Variants in PTK2 observed in about 807,000 individuals in gnomAD.
The protein encoded by PTK2 is protein tyrosine kinase 2.
Under a neutral mutation model 150.1 loss-of-function variants are expected in PTK2, and 45 were observed. That is an observed-to-expected ratio of 0.30 (90% confidence interval 0.24 to 0.38). PTK2 has a LOEUF of 0.38. PTK2 is among the 10% of genes least tolerant of loss of function. The pLI is 1.00. For missense variants in PTK2, 919 were observed against 1,307.3 expected (o/e 0.70, Z 4.58); for synonymous variants, 432 against 449.2 (o/e 0.96, Z 0.48).
intron 7 of PTK2, among the ~76,000 whole-genome samples, chr8:140,832,613 C>G (rs2100116133): frequency 6.6e-6 from 1 of 152,108 alleles, no homozygotes; most frequent in African/African-American, 2.4e-5. Context: ...CAGAGGGAGG[C>G]ATGGCCTGAC....
intron 1 of PTK2, among the ~76,000 whole-genome samples, chr8:141,000,127 C>CACACACACACA (rs58481152): frequency 0.03 from 3,723 of 123,686 alleles, 169 homozygotes; most frequent in African/African-American, 0.055. Context: ...ACACACACAC[C>CACACACACACA]CCTTCTTCTA....
chr8:140,678,773 C>T (rs1407970548), intron 27 of PTK2, among the ~76,000 whole-genome samples: 14 of 151,910 alleles, frequency 9.2e-5, no homozygotes, highest in East Asian at 3.9e-4. Flanking sequence ...TAGGGCAAAC[C>T]GAATGTGTGA....
At chr8:140,883,453 CATT>C (rs1233265173) in intron 3 of PTK2, among the ~76,000 whole-genome samples, 5 of 152,314 alleles carry the variant, frequency 3.3e-5, no homozygotes, top group African/African-American at 1.2e-4. Flanking sequence ...AAGCAACACA[CATT>C]GTTGACACTG....
chr8:140,780,324 A>C (rs1275102792), intron 14 of PTK2, among the ~76,000 whole-genome samples: 1 of 152,096 alleles, frequency 6.6e-6, no homozygotes, highest in Admixed American at 6.6e-5. Flanking sequence ...GAGTGATGGG[A>C]CCTAAACCCA....
chr8:140,844,858 G>A (rs1232307707), intron 7 of PTK2, among the ~76,000 whole-genome samples: 1 of 152,018 alleles, frequency 6.6e-6, no homozygotes, highest in Non-Finnish European at 1.5e-5. Context: ...AAACATGAAT[G>A]TTCCCATAGA....
intron 24 of PTK2, among the ~76,000 whole-genome samples, chr8:140,704,486 A>G (rs760402546): frequency 2.0e-5 from 3 of 152,250 alleles, no homozygotes; most frequent in Non-Finnish European, 4.4e-5. Context: ...AAATCTTGAC[A>G]GTGCCGCAGA....
intron 3 of PTK2, among the ~76,000 whole-genome samples, chr8:140,889,225 ATCTTTTTTT>A (rs1430289227): frequency 1.1e-4 from 16 of 151,786 alleles, no homozygotes; most frequent in Middle Eastern, 3.2e-3. Flanking sequence ...TTAGCCTTAA[ATCTTTTTTT>A]TCTTTTTTTT....
intron 1 of PTK2, among the ~76,000 whole-genome samples, chr8:140,965,551 T>C (rs2100184956): frequency 6.6e-6 from 1 of 152,170 alleles, no homozygotes. Context: ...AATTTTGCCT[T>C]TTCTGTCAGT....
intron 1 of PTK2, among the ~76,000 whole-genome samples, chr8:140,956,949 TAC>T (rs1190538452): frequency 6.6e-6 from 1 of 152,008 alleles, no homozygotes; most frequent in African/African-American, 2.4e-5. Context: ...TAGTCCCAGC[TAC>T]TTGAGAGGCT....
At chr8:140,778,281 G>T (rs190465416) in intron 14 of PTK2, among the ~76,000 whole-genome samples, 76 of 152,246 alleles carry the variant, frequency 5.0e-4, no homozygotes, top group Non-Finnish European at 8.8e-4. Context: ...CAGCTAACAT[G>T]GAGAAATACT....
chr8:140,899,723 T>A (rs1435542783), intron 2 of PTK2, among the ~76,000 whole-genome samples: 1 of 152,060 alleles, frequency 6.6e-6, no homozygotes, highest in East Asian at 1.9e-4. Context: ...CAAACTGAAT[T>A]AAACAACACA....
intron 5 of PTK2, among the ~76,000 whole-genome samples, chr8:140,856,531 C>G (rs1341814460): frequency 3.3e-5 from 5 of 152,098 alleles, no homozygotes; most frequent in Non-Finnish European, 7.4e-5. Context: ...TAAAAATACG[C>G]ACTACATAAT....
chr8:140,675,580 C>A, intron 27 of PTK2, 81 bp from the exon 31 acceptor site: 1 of 1,029,328 alleles, frequency 9.7e-7, no homozygotes, highest in Admixed American at 1.9e-5. Flanking sequence ...TGTCTATCCA[C>A]CCCCTTGAAC....
intron 14 of PTK2, among the ~76,000 whole-genome samples, chr8:140,765,851 A>C (rs2100071972): frequency 1.3e-5 from 2 of 152,112 alleles, no homozygotes; most frequent in Admixed American, 1.3e-4. Flanking sequence ...GGAGGAATCT[A>C]CTCTAACAGC....
chr8:140,809,758 A>T (rs1461148895), intron 10 of PTK2, among the ~76,000 whole-genome samples: 1 of 152,232 alleles, frequency 6.6e-6, no homozygotes, highest in Non-Finnish European at 1.5e-5. Context: ...GTAAGCCTTG[A>T]TCGTGCCACT....
At chr8:140,886,517 T>C (rs1295612555) in intron 3 of PTK2, among the ~76,000 whole-genome samples, 1 of 152,108 alleles carries the variant, frequency 6.6e-6, no homozygotes, top group African/African-American at 2.4e-5. Flanking sequence ...TACGGGGACA[T>C]TAAGAGAGGT....
chr8:140,954,879 T>G (rs2154609205), intron 1 of PTK2: 1 of 152,324 alleles, frequency 6.6e-6, no homozygotes, highest in Non-Finnish European at 1.5e-5. Context: ...ATTATTTCAC[T>G]AGTTTTTTTC....
chr8:140,886,819 G>A (rs1436339311), intron 3 of PTK2, among the ~76,000 whole-genome samples: 1 of 152,170 alleles, frequency 6.6e-6, no homozygotes, highest in Non-Finnish European at 1.5e-5. Context: ...CAGCATTGCT[G>A]ATGAAAAGTC....
intron 31 of PTK2, among the ~76,000 whole-genome samples, chr8:140,662,008 T>C (rs2080986367): frequency 6.6e-6 from 1 of 152,098 alleles, no homozygotes; most frequent in Non-Finnish European, 1.5e-5. Flanking sequence ...TTTTCAAAAA[T>C]GATTTAAGGC....
Sources: allele counts gnomAD v4.1 joint callset (sites outside exome capture counted in the v4.1 genomes callset), GRCh38; gene constraint gnomAD v4.1.1; transcripts MANE v1.5; gene names NCBI Gene and HGNC (gene_info 2026-07-23, HGNC 2026-07-21).